TP53I11: variants seen among roughly 807,000 people sequenced by gnomAD.
TP53I11 encodes the protein tumor protein p53 inducible protein 11.
TP53I11 carries 9 observed loss-of-function variants against 23.3 expected under a neutral mutation model. That is an observed-to-expected ratio of 0.39 (90% CI 0.23 to 0.67). TP53I11 has a LOEUF of 0.67. TP53I11 is among the 30% of genes least tolerant of loss of function. The pLI is 0.48. For missense variants in TP53I11, 170 were observed against 255.2 expected (o/e 0.67, Z 2.27); for synonymous variants, 100 against 106.1 (o/e 0.94, Z 0.35).
intron 1 of TP53I11, among the ~76,000 whole-genome samples, chr11:44,943,864 C>CAGGTGGAATGAGCAGCTGTCAGGCTA (rs1862140712): frequency 6.6e-6 from 1 of 152,216 alleles, no homozygotes; most frequent in Non-Finnish European, 1.5e-5. Flanking sequence ...TTTGTCAACA[C>CAGGTGGAATGAGCAGCTGTCAGGCTA]AGGTGGAATG....
chr11:44,938,453 C>A (rs555428965), intron 1 of TP53I11, 87 bp from the exon 2 acceptor site: 4 of 1,404,334 alleles, frequency 2.8e-6, no homozygotes, highest in African/African-American at 1.5e-5. Flanking sequence ...AAGGCCACAC[C>A]CCACACCAGG....
chr11:44,947,104 C>A (rs1316158712), intron 1 of TP53I11: 1 of 456,168 alleles, frequency 2.2e-6, no homozygotes, highest in African/African-American at 2.0e-5. Context: ...CTGGGCTCCT[C>A]CCCCGGGGGT....
Position 44,936,420 on chromosome 11 carries a change from T to C in TP53I11, c.334+383A>G, listed in dbSNP as rs1414818336. 1.1e-5 allele frequency: 13 copies of C among 1,232,510 alleles called. No homozygotes were observed. The highest frequency in any genetic ancestry group is 1.2e-5 in the Non-Finnish European group (12 of 989,204). The allele number at this position is 1,232,510 out of a possible 1,614,324, so 76.3% of individuals were successfully genotyped here. A position where few individuals can be genotyped will look rare whatever the true frequency, so the allele number is the denominator to read the frequency against. On this transcript the variant is annotated intron_variant, in intron 5 of 6. Transcript: ENST00000525680. The surrounding 1 kb of genome is among the most constrained non-coding windows in gnomAD (Gnocchi z 4.4). ...GAAGTGGTTCAAACAGAAGTGGCTC[T>C]GGGGATAAAATAGGGGGGGTGCGAG...
In TP53I11 at chr11:44,934,664, G is replaced by T; in HGVS notation, c.*220C>A. The T allele has an allele frequency of 1.7e-6, 1 of 602,040 alleles. No individual in the cohort carries two copies. The highest frequency in any genetic ancestry group is 2.9e-6 in the Non-Finnish European group (1 of 348,822). 37.3% of individuals were successfully genotyped at this position (602,040 alleles called of 1,614,324 possible). Reference sequence around the variant, plus strand: ...GAGGGTGAAGAACAGGGCAGCAGAGGCCCTGTCTCTCCCCAGACCAGCATG... The same window carrying T: ...GAGGGTGAAGAACAGGGCAGCAGAGTCCCTGTCTCTCCCCAGACCAGCATG... On this transcript the variant is annotated 3_prime_UTR_variant, in exon 7 of 7. Coordinates refer to ENST00000525680, the MANE Select transcript of TP53I11 (RefSeq NM_006034.5).
intron 2 of TP53I11, among the ~76,000 whole-genome samples, chr11:44,937,967 T>C (rs1186615345): frequency 6.6e-6 from 1 of 152,200 alleles, no homozygotes; most frequent in Non-Finnish European, 1.5e-5. Flanking sequence ...TTTTACAGTA[T>C]CTGCATCTTC....
chr11:44,937,267 C>G (rs952060636), intron 4 of TP53I11, 37 bp downstream of exon 4: 3 of 1,537,186 alleles, frequency 2.0e-6, no homozygotes, highest in Non-Finnish European at 2.6e-6. Flanking sequence ...GGGAGCCACA[C>G]GGGGCCAGAT....
At chr11:44,942,408 A>G (rs530254020) in intron 1 of TP53I11, among the ~76,000 whole-genome samples, 19 of 141,378 alleles carry the variant, frequency 1.3e-4, no homozygotes, top group African/African-American at 5.1e-4. Flanking sequence ...AACACCACAC[A>G]CACACCACAC....
chr11:44,948,731 A>C (rs986791102), intron 1 of TP53I11, among the ~76,000 whole-genome samples: 2 of 152,218 alleles, frequency 1.3e-5, no homozygotes, highest in African/African-American at 4.8e-5. Flanking sequence ...TTGTTCAATA[A>C]GCAAAAGTAA....
chr11:44,947,451 T>G (rs1434890007), intron 1 of TP53I11, among the ~76,000 whole-genome samples: 1 of 151,978 alleles, frequency 6.6e-6, no homozygotes, highest in Non-Finnish European at 1.5e-5. Flanking sequence ...TTCAGGAACT[T>G]AGAGGGGAGA....
Position 44,936,232 on chromosome 11 carries a change from T to C in TP53I11, c.335-570A>G. On this transcript the variant is annotated intron_variant, in intron 5 of 6. Transcript: ENST00000525680. The surrounding 1 kb of genome is among the most constrained non-coding windows in gnomAD (Gnocchi z 4.4). ...AGACATGCCACTGGGTGTGCATTTA[T>C]TTTATTCCAGCAACCCTAACTCCAG... 1 of 1,038,626 alleles carries C rather than the reference T, an allele frequency of 9.6e-7. No individual in the cohort carries two copies. Among genetic ancestry groups the C allele is most frequent in the Non-Finnish European group, 1.2e-6 (1 of 866,044 alleles). The allele number at this position is 1,038,626 out of a possible 1,614,324, so 64.3% of individuals were successfully genotyped here.
At chr11:44,942,847 G>A (rs923201196) in intron 1 of TP53I11, among the ~76,000 whole-genome samples, 3 of 152,126 alleles carry the variant, frequency 2.0e-5, no homozygotes, top group African/African-American at 4.8e-5. Flanking sequence ...ACTGGGCCCT[G>A]CAATGATCAG....
chr11:44,936,413 G>A lies in TP53I11; in HGVS notation c.334+390C>T. The A allele has an allele frequency of 8.1e-7, 1 of 1,232,464 alleles. No homozygotes were observed. The highest frequency in any genetic ancestry group is 1.6e-5 in the African/African-American group (1 of 64,514). The allele number at this position is 1,232,464 out of a possible 1,614,324, so 76.3% of individuals were successfully genotyped here. ...GGAAACAGAAGTGGTTCAAACAGAA[G>A]TGGCTCTGGGGATAAAATAGGGGGG... On this transcript the variant is annotated intron_variant, in intron 5 of 6. Coordinates refer to ENST00000525680, the MANE Select transcript of TP53I11 (RefSeq NM_006034.5). The surrounding 1 kb of genome is among the most constrained non-coding windows in gnomAD (Gnocchi z 4.4).
At chr11:44,943,254 T>C (rs996308138) in intron 1 of TP53I11, 2 of 152,262 alleles carry the variant, frequency 1.3e-5, no homozygotes, top group African/African-American at 4.8e-5. Context: ...CCACTTCCCT[T>C]TCTCCACTCA....
chr11:44,936,917 G>A lies in TP53I11; in HGVS notation c.238-18C>T, dbSNP rs1385307307. The A allele has an allele frequency of 3.2e-6, 5 of 1,578,514 alleles. No individual in the cohort carries two copies. The highest frequency in any genetic ancestry group is 4.3e-6 in the Non-Finnish European group (5 of 1,160,830). Reference sequence around the variant, plus strand: ...GCAAGCGCCTGCGGGCAGCGAGAGGGGCTCAGAGGTCCCGCTTGGGAGAGG... The same window carrying A: ...GCAAGCGCCTGCGGGCAGCGAGAGGAGCTCAGAGGTCCCGCTTGGGAGAGG... On this transcript the variant is annotated intron_variant, in intron 4 of 6. Transcript: ENST00000525680. This position sits in a 1 kb window ranked among gnomAD's most constrained non-coding sequence, Gnocchi z 4.4.
rs905414071 is a variant in TP53I11, at chr11:44,943,676, C to A, written c.-31-5310G>T. Among the ~76,000 whole-genome samples, 4 of 152,214 alleles carry A rather than the reference C, an allele frequency of 2.6e-5. No homozygotes were observed. The East Asian group carries it at 7.7e-4, about 29-fold the overall frequency. The stretch of plus-strand genomic sequence containing the variant: ...CCAGGGCCCTCCCAGGGCACTGGGT[C>A]CTCATCCTCCTCTGGACTCTCACGG... On this transcript the variant is annotated intron_variant, in intron 1 of 6. Transcript: ENST00000525680.
rs835993 is a variant in TP53I11 at position 44,936,007 on chromosome 11, C to G, written c.335-345G>C. The stretch of plus-strand genomic sequence containing the variant: ...GGTTCTGTCAGGAGGATGCTGTGTT[C>G]ATGGAGTTCATGAGTTAATGGGTTA... On this transcript the variant is annotated intron_variant, in intron 5 of 6. Transcript: ENST00000525680. This position sits in a 1 kb window ranked among gnomAD's most constrained non-coding sequence, Gnocchi z 4.4. 149,757 of 362,726 alleles carry G rather than the reference C, an allele frequency of 0.41. 32,320 individuals are homozygous for G. Among genetic ancestry groups the G allele is most frequent in the African/African-American group, 0.5 (23,867 of 48,010 alleles). The allele number at this position is 362,726 out of a possible 1,614,324, so 22.5% of individuals were successfully genotyped here.
chr11:44,937,677 A>G, intron 2 of TP53I11, 64 bp from the exon 3 acceptor site: 15 of 1,542,972 alleles, frequency 9.7e-6, no homozygotes, highest in Non-Finnish European at 1.2e-5. Context: ...CCACTCGCTC[A>G]TCCTCCCAGA....
chr11:44,947,754 G>A (rs982827234), intron 1 of TP53I11, among the ~76,000 whole-genome samples: 3 of 152,094 alleles, frequency 2.0e-5, no homozygotes, highest in Non-Finnish European at 2.9e-5. Context: ...TATGCCTTTG[G>A]GCCAGTGACT....
Position 44,936,557 on chromosome 11 carries a change from A to G in TP53I11, c.334+246T>C. The G allele has an allele frequency of 7.8e-7, 1 of 1,289,444 alleles. No homozygotes were observed. Among genetic ancestry groups the G allele is most frequent in the South Asian group, 2.6e-5 (1 of 39,084 alleles). 79.9% of individuals were successfully genotyped at this position (1,289,444 alleles called of 1,614,324 possible). A position where few individuals can be genotyped will look rare whatever the true frequency, so the allele number is the denominator to read the frequency against. On this transcript the variant is annotated intron_variant, in intron 5 of 6. Coordinates refer to ENST00000525680, the MANE Select transcript of TP53I11 (RefSeq NM_006034.5). This position sits in a 1 kb window ranked among gnomAD's most constrained non-coding sequence, Gnocchi z 4.4. Reference sequence around the variant, plus strand: ...CACAACGCCCAGAGGCAGTGCACACACTTATGAGCGCTCCTTGCAGATGGT... The same window carrying G: ...CACAACGCCCAGAGGCAGTGCACACGCTTATGAGCGCTCCTTGCAGATGGT...
Sources: allele counts gnomAD v4.1 joint callset (sites outside exome capture counted in the v4.1 genomes callset), GRCh38; gene constraint gnomAD v4.1.1; non-coding constraint Gnocchi (gnomAD v3.1); transcripts MANE v1.5; gene names NCBI Gene and HGNC (gene_info 2026-07-23, HGNC 2026-07-21).